The following C6orf52 variants were observed in gnomAD, a reference collection of about 807,000 sequenced individuals.
C6orf52 encodes the protein putative uncharacterized protein C6orf52.
Under a neutral mutation model 16.6 loss-of-function variants are expected in C6orf52, and 16 were observed. That is an observed-to-expected ratio of 0.96 (90% CI 0.65 to 1.46). C6orf52 has a LOEUF of 1.46. Among genes scored for constraint, C6orf52 ranks in the 40% most tolerant of loss-of-function variants. The pLI, the probability that C6orf52 is intolerant of heterozygous loss-of-function variation, is 0.00. For missense variants in C6orf52, 166 were observed against 182.3 expected (o/e 0.91, Z 0.52); for synonymous variants, 53 against 61.4 (o/e 0.86, Z 0.64).
intron 4 of C6orf52, among the ~76,000 whole-genome samples, chr6:10,676,690 A>G (rs1267664843): frequency 6.6e-6 from 1 of 152,220 alleles, no homozygotes; most frequent in East Asian, 1.9e-4. Context: ...TGGGCCCTAC[A>G]TAAATCAGAC....
intron 1 of C6orf52, among the ~76,000 whole-genome samples, chr6:10,694,255 CG>C (rs1233805473): frequency 8.1e-6 from 1 of 123,316 alleles, no homozygotes; most frequent in Non-Finnish European, 1.5e-5. Context: ...AGCGAAACTC[CG>C]TCTCAAAAAA....
chr6:10,694,815 C>A, upstream of C6orf52: 1 of 569,142 alleles, frequency 1.8e-6, no homozygotes, highest in Non-Finnish European at 3.1e-6. Context: ...CCTCCCCGCG[C>A]TTAAAGTGTT....
At position 10,694,502 on chromosome 6, in the gene C6orf52, C is replaced by G. The variant is rs1441373627; in HGVS notation, c.-20G>C. ...ATCCCACCCCTCCTTACCCTATTAACGACAGAAAGCCTCGTTCCGCTGGTC... is the reference window on the plus strand; with the variant it reads ...ATCCCACCCCTCCTTACCCTATTAAGGACAGAAAGCCTCGTTCCGCTGGTC... On this transcript the variant is annotated 5_prime_UTR_variant, in exon 1 of 5. Transcript: ENST00000259983. The G allele has an allele frequency of 6.4e-6, 1 of 156,920 alleles. No individual in the cohort carries two copies. Among genetic ancestry groups the G allele is most frequent in the African/African-American group, 2.4e-5 (1 of 41,468 alleles). The allele number at this position is 156,920 out of a possible 1,614,324, so 9.7% of individuals were successfully genotyped here. A position where few individuals can be genotyped will look rare whatever the true frequency, so the allele number is the denominator to read the frequency against.
Position 10,671,607 on chromosome 6 carries a change from G to A in C6orf52, c.317-9C>T. 6.6e-7 allele frequency: 1 copy of A among 1,513,658 alleles called. No individual in the cohort carries two copies. The highest frequency in any genetic ancestry group is 1.4e-5 in the African/African-American group (1 of 70,908). 93.8% of individuals were successfully genotyped at this position (1,513,658 alleles called of 1,614,324 possible). A position where few individuals can be genotyped will look rare whatever the true frequency, so the allele number is the denominator to read the frequency against. Reference sequence around the variant, plus strand: ...CAAATGAAGATGTGGATCTGCAGAAGCCAATAATGGATATGAAAAAAATAG... The same window carrying A: ...CAAATGAAGATGTGGATCTGCAGAAACCAATAATGGATATGAAAAAAATAG... On this transcript the variant is annotated splice_polypyrimidine_tract_variant and intron_variant, in intron 4 of 4. Coordinates refer to ENST00000259983, the MANE Select transcript of C6orf52 (RefSeq NM_001145020.3).
At chr6:10,693,363 TTTC>T (rs1769529379) in intron 1 of C6orf52, among the ~76,000 whole-genome samples, 2 of 152,386 alleles carry the variant, frequency 1.3e-5, no homozygotes, top group South Asian at 2.1e-4. Flanking sequence ...CATGCTGACT[TTTC>T]TTCGTGTCAC....
chr6:10,677,624 C>T (rs942916372), intron 4 of C6orf52, among the ~76,000 whole-genome samples: 2 of 151,748 alleles, frequency 1.3e-5, no homozygotes, highest in African/African-American at 2.4e-5. Flanking sequence ...CTCCGCCTCC[C>T]GGGTTCCAGC....
At chr6:10,692,137 G>A (rs1238164735) in intron 1 of C6orf52, among the ~76,000 whole-genome samples, 1 of 152,192 alleles carries the variant, frequency 6.6e-6, no homozygotes, top group African/African-American at 2.4e-5. Flanking sequence ...AATATACAAA[G>A]CATGATTTTG....
intron 1 of C6orf52, among the ~76,000 whole-genome samples, chr6:10,689,540 T>C (rs1422818961): frequency 6.6e-6 from 1 of 152,234 alleles, no homozygotes; most frequent in Non-Finnish European, 1.5e-5. Context: ...GCTAAAAGAC[T>C]ACATTTCCTA....
At chr6:10,691,093 G>T (rs1038183114) in intron 1 of C6orf52, among the ~76,000 whole-genome samples, 1 of 152,158 alleles carries the variant, frequency 6.6e-6, no homozygotes, top group Non-Finnish European at 1.5e-5. Flanking sequence ...GTGTGTTCTT[G>T]AAAAAGTCAC....
Position 10,694,607 on chromosome 6 carries a change from G to GA in C6orf52, c.-126_-125insT. ...CGGCGCTACAGCCCCTAAGCAACCG[G>GA]CCGGAAGTCGGCCCCACCTCCTCCT... On this transcript the variant is annotated 5_prime_UTR_variant, in exon 1 of 5. Coordinates refer to ENST00000259983, the MANE Select transcript of C6orf52 (RefSeq NM_001145020.3). 1 of 197,422 alleles carries GA rather than the reference G, an allele frequency of 5.1e-6. No individual in the cohort carries two copies. The allele number at this position is 197,422 out of a possible 1,614,324, so 12.2% of individuals were successfully genotyped here.
chr6:10,680,030 A>T (rs1581543630), intron 4 of C6orf52, among the ~76,000 whole-genome samples: 4 of 152,238 alleles, frequency 2.6e-5, no homozygotes, highest in Non-Finnish European at 4.4e-5. Context: ...AGGCAGGCAG[A>T]TCACCTGAGC....
chr6:10,694,680 C>A, upstream of C6orf52: 1 of 310,786 alleles, frequency 3.2e-6, no homozygotes. Flanking sequence ...CGCCCGCTCC[C>A]TTCAGACGGG....
chr6:10,672,664 A>G (rs939082103), intron 4 of C6orf52: 1 of 673,642 alleles, frequency 1.5e-6, no homozygotes, highest in East Asian at 2.7e-5. Flanking sequence ...AATTTTTTTT[A>G]AAAAAAGAGC....
rs1240576770 is a variant in C6orf52, at chr6:10,686,947, T to A, written c.270+19A>T. ...ATTGGGCACACGAATGACACAAGATTCATTCTAGCAAGGGATACCTTAGGC... is the reference window on the plus strand; with the variant it reads ...ATTGGGCACACGAATGACACAAGATACATTCTAGCAAGGGATACCTTAGGC... On this transcript the variant is annotated intron_variant, in intron 3 of 4. Transcript: ENST00000259983. The A allele has an allele frequency of 6.6e-7, 1 of 1,509,930 alleles. No homozygotes were observed. The highest frequency in any genetic ancestry group is 1.2e-5 in the South Asian group (1 of 80,032). 93.5% of individuals were successfully genotyped at this position (1,509,930 alleles called of 1,614,324 possible). A position where few individuals can be genotyped will look rare whatever the true frequency, so the allele number is the denominator to read the frequency against.
intron 3 of C6orf52, among the ~76,000 whole-genome samples, chr6:10,686,439 CT>C (rs1180265472): frequency 6.6e-6 from 1 of 152,114 alleles, no homozygotes; most frequent in Admixed American, 6.6e-5. Context: ...TGGGGGGGAA[CT>C]TTTCCCTTAC....
chr6:10,674,843 CTT>C (rs1767739226), intron 4 of C6orf52: 1 of 145,668 alleles, frequency 6.9e-6, no homozygotes, highest in Non-Finnish European at 1.5e-5. Context: ...GAGTTTTGCT[CTT>C]GTTGCCCAGG....
Position 10,677,154 on chromosome 6 carries a change from T to G in C6orf52, c.317-5556A>C, listed in dbSNP as rs528372442. ...CTAGTAGTTTCACAGTTTTGGGTCT[T>G]ACATTTAAGTCTTTAATCTATTTTG... On this transcript the variant is annotated intron_variant, in intron 4 of 4. Transcript: ENST00000259983. Among the ~76,000 whole-genome samples the G allele has an allele frequency of 2.3e-4, 35 of 152,366 alleles. 1 individual carries two copies. In the South Asian group the frequency reaches 7.0e-3, roughly 31 times the overall value.
At chr6:10,689,361 C>G (rs745413432) in intron 1 of C6orf52, among the ~76,000 whole-genome samples, 21 of 152,236 alleles carry the variant, frequency 1.4e-4, no homozygotes, top group Non-Finnish European at 1.9e-4. Flanking sequence ...GGCAGGGTAA[C>G]TGGCATTGGT....
intron 4 of C6orf52, among the ~76,000 whole-genome samples, chr6:10,681,649 G>A (rs1201423617): frequency 6.6e-6 from 1 of 152,112 alleles, no homozygotes; most frequent in African/African-American, 2.4e-5. Context: ...CTATAAGAAA[G>A]GTATCAATGT....
Sources: gnomAD v4.1 joint callset for allele counts (sites outside exome capture counted in the v4.1 genomes callset) on GRCh38, gnomAD v4.1.1 for gene constraint, MANE v1.5 for transcripts, NCBI Gene and HGNC (gene_info 2026-07-23, HGNC 2026-07-21) for gene names.